The following ASMTL variants were observed in gnomAD, a reference collection of about 807,000 sequenced individuals.
ASMTL encodes the protein probable bifunctional dTTP/UTP pyrophosphatase/methyltransferase protein.
ASMTL carries 57 observed loss-of-function variants against 60.3 expected under a neutral mutation model. The ratio of observed to expected loss-of-function variants is 0.95; its 90% CI spans 0.76 to 1.18. ASMTL has a LOEUF of 1.18. Ranked by LOEUF, ASMTL falls within the 50% of genes most tolerant of loss-of-function variation. The pLI is 0.00. For synonymous variants in ASMTL, 419 were observed against 373.0 expected (o/e 1.12, Z -1.42); for missense variants, 981 against 852.6 (o/e 1.15, Z -1.88).
chrX:1,445,135 A>G (rs1252689328), intron 1 of ASMTL, among the ~76,000 whole-genome samples: 1 of 152,142 alleles, frequency 6.6e-6, no homozygotes, highest in Non-Finnish European at 1.5e-5. Context: ...GTACCCAGGA[A>G]AAGTCAGGTC....
At chrX:1,440,143 G>A (rs1265164072) in intron 2 of ASMTL, among the ~76,000 whole-genome samples, 3 of 151,094 alleles carry the variant, frequency 2.0e-5, no homozygotes, top group Admixed American at 2.0e-4. Context: ...CTGGAGGGCA[G>A]TGGCGCGACC....
At position 1,403,421 on chromosome X, in the gene ASMTL, G is replaced by T; in HGVS notation, c.1714C>A (p.Gln572Lys). The T allele has an allele frequency of 6.2e-7, 1 of 1,613,360 alleles. No homozygotes were observed. The highest frequency in any genetic ancestry group is 8.5e-7 in the Non-Finnish European group (1 of 1,179,860). Reference sequence around the variant, plus strand: ...GTCTGCACCAGCATGTTCAGTGACTGCATCAGGGCGCGCTGCGCCACCCTC... The same window carrying T: ...GTCTGCACCAGCATGTTCAGTGACTTCATCAGGGCGCGCTGCGCCACCCTC... Reference protein sequence around the residue: ...EKRVAQRALMQSLNMLVQTEG... With the variant: ...EKRVAQRALMKSLNMLVQTEG... Residue 572 changes from glutamine (Q) to lysine (K), a missense_variant, in exon 13 of 13, where the codon CAG becomes AAG. Transcript: ENST00000381317.
At chrX:1,441,393 C>A (rs2091103365) in intron 2 of ASMTL, among the ~76,000 whole-genome samples, 1 of 152,126 alleles carries the variant, frequency 6.6e-6, no homozygotes, top group African/African-American at 2.4e-5. Context: ...TCTCCTGCCT[C>A]AGCCTCCTGA....
chrX:1,439,342 G>A (rs1321765077), intron 2 of ASMTL, among the ~76,000 whole-genome samples, 198 bp from the exon 3 acceptor site: 4 of 152,202 alleles, frequency 2.6e-5, no homozygotes, highest in African/African-American at 9.6e-5. Flanking sequence ...GGGCTGGAAC[G>A]TGGGTGAGGC....
intron 2 of ASMTL, among the ~76,000 whole-genome samples, chrX:1,439,929 C>T (rs779139338): frequency 5.7e-4 from 86 of 152,014 alleles, no homozygotes; most frequent in African/African-American, 2.0e-3. Context: ...AATTCAGCCT[C>T]AGAGCAACAG....
At chrX:1,445,125 G>GT (rs1160700443) in intron 1 of ASMTL, among the ~76,000 whole-genome samples, 4 of 152,040 alleles carry the variant, frequency 2.6e-5, no homozygotes, top group African/African-American at 9.7e-5. Context: ...CTGACTTTTG[G>GT]TACCCAGGAA....
At chrX:1,403,698 A>G (rs1264036523) in intron 12 of ASMTL, 6 of 602,140 alleles carry the variant, frequency 1.0e-5, no homozygotes. Context: ...GATTTGATCG[A>G]AAGATGGATG....
intron 12 of ASMTL, among the ~76,000 whole-genome samples, chrX:1,411,369 G>C (rs1162626887): frequency 2.0e-5 from 3 of 152,112 alleles, no homozygotes; most frequent in African/African-American, 7.2e-5. Flanking sequence ...ATTCTCACTG[G>C]AGCAACAACG....
chrX:1,422,425 C>T (rs1249558557), intron 8 of ASMTL, among the ~76,000 whole-genome samples: 1 of 152,102 alleles, frequency 6.6e-6, no homozygotes, highest in East Asian at 1.9e-4. Context: ...CCTACACAAT[C>T]ACGTAAGTCC....
At chrX:1,407,594 T>C (rs1158794780) in intron 12 of ASMTL, among the ~76,000 whole-genome samples, 2 of 151,884 alleles carry the variant, frequency 1.3e-5, no homozygotes, top group Admixed American at 1.3e-4. Context: ...GACGGAGCAT[T>C]GTTAGAAGGC....
chrX:1,443,353 GCCATCTTGGACACACACCA>G (rs2091157658), intron 1 of ASMTL, among the ~76,000 whole-genome samples: 2 of 44,652 alleles, frequency 4.5e-5, no homozygotes, highest in Non-Finnish European at 7.3e-5. Flanking sequence ...GACAGACACC[GCCATCTTGGACACACACCA>G]CCATCATGGA....
Position 1,435,686 on chromosome X carries a change from G to T in ASMTL, c.338+8C>A. The T allele has an allele frequency of 1.2e-6, 2 of 1,613,492 alleles. No individual in the cohort carries two copies. The highest frequency in any genetic ancestry group is 1.7e-6 in the Non-Finnish European group (2 of 1,179,814). Reference sequence around the variant, plus strand: ...CCGAGAGGGCTCAGAGGCCAACATGGTGCTTACCGGGACAGCATCCTGTAG... The same window carrying T: ...CCGAGAGGGCTCAGAGGCCAACATGTTGCTTACCGGGACAGCATCCTGTAG... On this transcript the variant is annotated splice_region_variant and intron_variant, in intron 4 of 12. Coordinates refer to ENST00000381317, the MANE Select transcript of ASMTL (RefSeq NM_004192.4).
chrX:1,429,712 G>A (rs1242248384), intron 6 of ASMTL, among the ~76,000 whole-genome samples: 1 of 152,006 alleles, frequency 6.6e-6, no homozygotes, highest in Non-Finnish European at 1.5e-5. Context: ...CAGGAGAATC[G>A]TTTGAAACTG....
intron 1 of ASMTL, among the ~76,000 whole-genome samples, chrX:1,451,686 G>A (rs1323303005): frequency 2.1e-5 from 3 of 143,512 alleles, no homozygotes; most frequent in African/African-American, 7.9e-5. Context: ...GGGGTCCCGG[G>A]TTACTCTCCT....
intron 12 of ASMTL, among the ~76,000 whole-genome samples, chrX:1,411,402 G>T (rs1221589731): frequency 6.6e-6 from 1 of 152,170 alleles, no homozygotes; most frequent in Admixed American, 6.6e-5. Context: ...GGGAGGCTGA[G>T]TGCCCGTCAG....
At chrX:1,405,983 AATGGATGGATAGATGGATGTATGGATGTG>A (rs1224473144) in intron 12 of ASMTL, among the ~76,000 whole-genome samples, 46 of 140,340 alleles carry the variant, frequency 3.3e-4, no homozygotes, top group African/African-American at 1.2e-3. Flanking sequence ...TAGATAGATG[AATGGATGGATAGATGGATGTATGGATGTG>A]ATGGATGGGT....
chrX:1,432,586 T>C lies in ASMTL; in HGVS notation c.401-209A>G, dbSNP rs1354807718. On this transcript the variant is annotated intron_variant, in intron 5 of 12. Transcript: ENST00000381317. ...GGCTCACGCCTGTCATCCCAGCACC[T>C]TGGGAGGCCGAGGCGGGTGGATCAC... 2.0e-5 allele frequency among the ~76,000 whole-genome samples: 3 copies of C among 152,282 alleles called. No individual in the cohort carries two copies. In the South Asian group the frequency reaches 6.2e-4, roughly 32 times the overall value.
chrX:1,414,895 G>A (rs112770144), intron 11 of ASMTL, among the ~76,000 whole-genome samples: 4,029 of 152,112 alleles, frequency 0.026, 203 homozygotes, highest in African/African-American at 0.091. Context: ...AGGCCTGGCC[G>A]CTGTCGGATG....
chrX:1,411,012 C>G (rs1305551115), intron 12 of ASMTL, among the ~76,000 whole-genome samples: 5 of 151,476 alleles, frequency 3.3e-5, no homozygotes, highest in South Asian at 4.2e-4. Context: ...ATGGAGAAAC[C>G]CTGTCTCTAT....
Sources: allele counts gnomAD v4.1 joint callset (sites outside exome capture counted in the v4.1 genomes callset), GRCh38; gene constraint gnomAD v4.1.1; transcripts MANE v1.5; gene names NCBI Gene and HGNC (gene_info 2026-07-23, HGNC 2026-07-21).